PADI1: variants seen among roughly 807,000 people sequenced by gnomAD.
The protein encoded by PADI1 is peptidyl arginine deiminase 1, also known as protein-arginine deiminase type-1.
In PADI1, 65 loss-of-function variants were observed where a neutral mutation model predicts 74.8. The ratio of observed to expected loss-of-function variants is 0.87; its 90% CI spans 0.71 to 1.07. The LOEUF is 1.07. PADI1 is among the 50% of genes least tolerant of loss of function. The pLI is 0.00. For missense variants in PADI1, 943 were observed against 854.0 expected, an observed-to-expected ratio of 1.10 and a Z score of -1.30; for synonymous variants, 371 against 336.2, an observed-to-expected ratio of 1.10 and a Z score of -1.13.
At chr1:17,221,365 G>A (rs1162836510) in intron 1 of PADI1, among the ~76,000 whole-genome samples, 3 of 151,878 alleles carry the variant, frequency 2.0e-5, no homozygotes, top group Non-Finnish European at 2.9e-5. Context: ...CAGTTGACTG[G>A]CATTGAGGTG....
chr1:17,228,916 C>T, intron 7 of PADI1, 32 bp from the exon 8 acceptor site: 1 of 1,571,152 alleles, frequency 6.4e-7, no homozygotes, highest in Non-Finnish European at 8.7e-7. Flanking sequence ...GGGGTCCCTG[C>T]AGGGCCCACC....
chr1:17,224,010 G>T (rs2072239662), intron 3 of PADI1, among the ~76,000 whole-genome samples: 1 of 152,222 alleles, frequency 6.6e-6, no homozygotes, highest in Non-Finnish European at 1.5e-5. Flanking sequence ...GCCCCCTTCA[G>T]CCAGGGCCAG....
chr1:17,227,038 A>G (rs1463115498), intron 6 of PADI1, among the ~76,000 whole-genome samples: 1 of 150,674 alleles, frequency 6.6e-6, no homozygotes, highest in African/African-American at 2.4e-5. Context: ...TCTAAAAAAA[A>G]AAAAAAAAAT....
rs778779644 is a variant in PADI1 at position 17,228,605 on chromosome 1, CT to C, written c.653-19del. ...CTCACCCCTGTCTCCTCGCTAGCCC[CT>C]GACTCTTGTTCTTCCTAGGTGGGAA... On this transcript the variant is annotated intron_variant, in intron 6 of 15. Coordinates refer to ENST00000375471, the MANE Select transcript of PADI1 (RefSeq NM_013358.3). 1.9e-6 allele frequency: 3 copies of C among 1,613,990 alleles called. No individual in the cohort carries two copies. The highest frequency in any genetic ancestry group is 2.5e-6 in the Non-Finnish European group (3 of 1,179,932).
intron 13 of PADI1, 52 bp from the exon 14 acceptor site, chr1:17,239,652 C>A: frequency 7.4e-7 from 1 of 1,356,148 alleles, no homozygotes; most frequent in African/African-American, 1.4e-5. Context: ...AGGCTGAAGA[C>A]GGCCTCCAGG....
Position 17,223,623 on chromosome 1 carries a change from G to C in PADI1, c.276G>C (p.Val92=). The C allele has an allele frequency of 6.2e-7, 1 of 1,613,738 alleles. No homozygotes were observed. The highest frequency in any genetic ancestry group is 8.5e-7 in the Non-Finnish European group (1 of 1,179,690). ...TASKELKDFK[V]RVSYFGEQED... is the part of the protein sequence containing the mutation. ...AGGCTTAGGGCTATGTTCTGCAGGT[G>C]AGGGTCTCCTACTTTGGGGAGCAGG... Residue 92 remains valine (V), a splice_region_variant and synonymous_variant, in exon 3 of 16, where the codon GTG becomes GTC. Coordinates refer to ENST00000375471, the MANE Select transcript of PADI1 (RefSeq NM_013358.3).
At chr1:17,209,095 A>G (rs1163210193) in intron 1 of PADI1, among the ~76,000 whole-genome samples, 1 of 152,246 alleles carries the variant, frequency 6.6e-6, no homozygotes, top group Non-Finnish European at 1.5e-5. Context: ...TGAAAATGCC[A>G]AAACAGAGTT....
At chr1:17,237,224 G>T (rs1473410110) in intron 11 of PADI1, 90 bp from the exon 12 acceptor site, 13 of 1,417,896 alleles carry the variant, frequency 9.2e-6, no homozygotes, top group Admixed American at 2.3e-5. Flanking sequence ...GAGCAATTCC[G>T]CCCCCTGGTG....
At chr1:17,236,575 C>T (rs1324644834) in intron 11 of PADI1, among the ~76,000 whole-genome samples, 2 of 151,968 alleles carry the variant, frequency 1.3e-5, no homozygotes, top group Non-Finnish European at 2.9e-5. Context: ...GGTGGCATGG[C>T]GAAACCCACC....
chr1:17,240,439 A>C, intron 14 of PADI1, 196 bp from the exon 15 acceptor site: 2 of 551,028 alleles, frequency 3.6e-6, no homozygotes, highest in Non-Finnish European at 6.5e-6. Flanking sequence ...GGCACATCCT[A>C]GCCTTGTGCA....
chr1:17,207,449 A>G (rs1198877997), intron 1 of PADI1, among the ~76,000 whole-genome samples: 1 of 152,234 alleles, frequency 6.6e-6, no homozygotes, highest in Non-Finnish European at 1.5e-5. Flanking sequence ...CACCAGTTAT[A>G]ATGGGTTCAG....
chr1:17,216,352 A>G (rs763031670), intron 1 of PADI1, among the ~76,000 whole-genome samples: 2 of 152,156 alleles, frequency 1.3e-5, no homozygotes, highest in Non-Finnish European at 2.9e-5. Context: ...GCTGTGGCAG[A>G]GGTGAGAGCG....
chr1:17,230,261 A>C, intron 9 of PADI1, 53 bp downstream of exon 9: 1 of 1,588,188 alleles, frequency 6.3e-7, no homozygotes, highest in Non-Finnish European at 8.6e-7. Context: ...GGGAAAGGGA[A>C]GCCGCACAGG....
rs78998342 is a variant in PADI1 at position 17,213,702 on chromosome 1, T to A, written c.92+8393T>A. ...AAGCACGTGCCTGGCACACGGCAGG[T>A]GCTTGAAAATGCAGGCTCTTTCCCT... On this transcript the variant is annotated intron_variant, in intron 1 of 15. Transcript: ENST00000375471. Among the ~76,000 whole-genome samples the A allele has an allele frequency of 3.3e-3, 507 of 152,290 alleles. 19 individuals are homozygous for A. The East Asian group carries it at 0.057, about 17-fold the overall frequency.
chr1:17,222,335 C>T lies in PADI1; in HGVS notation c.138C>T (p.Ser46=), dbSNP rs376936624. ...ACAGCTTCAGGGTCTCTGGAAGCTC[C>T]GGGGTGGAGGTCTTCATGGTCTACA... is the stretch of plus-strand genomic sequence containing the variant. ...GANSFRVSGS[S]GVEVFMVYNR... Residue 46 remains serine, a synonymous_variant, in exon 2 of 16, where the codon TCC becomes TCT. Coordinates refer to ENST00000375471, the MANE Select transcript of PADI1 (RefSeq NM_013358.3). The T allele has an allele frequency of 6.8e-5, 110 of 1,613,882 alleles. No individual in the cohort carries two copies. Among genetic ancestry groups the T allele is most frequent in the Admixed American group, 1.3e-4 (8 of 59,998 alleles).
Position 17,225,762 on chromosome 1 carries a change from T to C in PADI1, c.409-49T>C, listed in dbSNP as rs1006865514. 3.6e-6 allele frequency: 5 copies of C among 1,407,240 alleles called. No homozygotes were observed. In the African/African-American group the frequency reaches 4.2e-5, roughly 12 times the overall value. 87.2% of individuals were successfully genotyped at this position (1,407,240 alleles called of 1,614,324 possible). A position where few individuals can be genotyped will look rare whatever the true frequency, so the allele number is the denominator to read the frequency against. Reference sequence around the variant, plus strand: ...CCTGGCCATGTCTAGAACCCCTTCCTGGAGCCTCCTGGGTCCCACTGATCC... The same window carrying C: ...CCTGGCCATGTCTAGAACCCCTTCCCGGAGCCTCCTGGGTCCCACTGATCC... On this transcript the variant is annotated intron_variant, in intron 4 of 15. Transcript: ENST00000375471.
intron 2 of PADI1, 121 bp from the exon 3 acceptor site, chr1:17,223,500 T>TG (rs906356135): frequency 4.1e-5 from 31 of 756,598 alleles, no homozygotes; most frequent in South Asian, 1.1e-4. Context: ...CTTCAGAGAC[T>TG]GGGGGGGTCT....
intron 12 of PADI1, among the ~76,000 whole-genome samples, chr1:17,238,405 G>A (rs2072699367): frequency 6.6e-6 from 1 of 152,232 alleles, no homozygotes; most frequent in African/African-American, 2.4e-5. Context: ...AGGGCGTCCA[G>A]GGAGGGAGAA....
intron 1 of PADI1, among the ~76,000 whole-genome samples, chr1:17,217,057 G>GGGCGGAGA: frequency 6.9e-6 from 1 of 145,582 alleles, no homozygotes; most frequent in African/African-American, 2.5e-5. Context: ...GGGGAGGGAG[G>GGGCGGAGA]GGAGGAGAGG....
Sources: gnomAD v4.1 joint callset for allele counts (sites outside exome capture counted in the v4.1 genomes callset) on GRCh38, gnomAD v4.1.1 for gene constraint, MANE v1.5 for transcripts, NCBI Gene and HGNC (gene_info 2026-07-23, HGNC 2026-07-21) for gene names.